TLN2: variants seen among roughly 807,000 people sequenced by gnomAD.
The protein encoded by TLN2 is talin-2.
Under a neutral mutation model 294.7 loss-of-function variants are expected in TLN2, and 118 were observed. The observed-to-expected ratio is 0.40, with a 90% CI of 0.34 to 0.47. The LOEUF is 0.47. Among genes scored for constraint, TLN2 ranks in the 20% least tolerant of loss-of-function variants. The pLI, the probability that TLN2 is intolerant of heterozygous loss-of-function variation, is 0.84. For missense variants in TLN2, 3,083 were observed against 3,282.2 expected, an observed-to-expected ratio of 0.94 and a Z score of 1.48; for synonymous variants, 1,431 against 1,304.5, an observed-to-expected ratio of 1.10 and a Z score of -2.09.
intron 1 of TLN2, among the ~76,000 whole-genome samples, chr15:62,571,645 A>G (rs1033822630): frequency 6.6e-6 from 1 of 152,178 alleles, no homozygotes; most frequent in African/African-American, 2.4e-5. Context: ...AGTAGAGGCA[A>G]TGGTAGGCTC....
intron 1 of TLN2, among the ~76,000 whole-genome samples, chr15:62,575,312 C>G (rs1168733921): frequency 6.6e-6 from 1 of 152,026 alleles, no homozygotes; most frequent in East Asian, 1.9e-4. Flanking sequence ...AGAGCAAGAC[C>G]CTATCTCCAA....
intron 1 of TLN2, among the ~76,000 whole-genome samples, chr15:62,569,120 G>C (rs1031868402): frequency 5.3e-5 from 8 of 152,134 alleles, no homozygotes; most frequent in Non-Finnish European, 7.4e-5. Context: ...CATACAGTCT[G>C]CCTGTTCTTT....
At chr15:62,673,246 C>T (rs1262978413) in intron 9 of TLN2, among the ~76,000 whole-genome samples, 1 of 138,068 alleles carries the variant, frequency 7.2e-6, no homozygotes, top group Non-Finnish European at 1.5e-5. Context: ...CATAATTATT[C>T]TTCCTGTAGT....
At chr15:62,774,909 C>G (rs893419402) in intron 42 of TLN2, among the ~76,000 whole-genome samples, 1 of 151,136 alleles carries the variant, frequency 6.6e-6, no homozygotes, top group Non-Finnish European at 1.5e-5. Context: ...CTGTCTCCCC[C>G]AGAAGGTATA....
intron 11 of TLN2, among the ~76,000 whole-genome samples, chr15:62,677,096 T>G (rs1042085005): frequency 6.6e-6 from 1 of 152,220 alleles, no homozygotes; most frequent in Admixed American, 6.5e-5. Context: ...AGTCACCTGC[T>G]TCCACCGTTC....
At chr15:62,780,139 C>G (rs1179908459) in intron 43 of TLN2, among the ~76,000 whole-genome samples, 2 of 152,216 alleles carry the variant, frequency 1.3e-5, no homozygotes, top group Admixed American at 1.3e-4. Flanking sequence ...TGTCAACAGC[C>G]CCCTCCTGTT....
intron 19 of TLN2, 132 bp downstream of exon 19, chr15:62,702,996 C>T: frequency 2.5e-6 from 2 of 803,302 alleles, no homozygotes; most frequent in East Asian, 5.4e-5. Flanking sequence ...GATGGATTAT[C>T]TTGGGAGTGA....
intron 12 of TLN2, among the ~76,000 whole-genome samples, chr15:62,691,564 A>G (rs920141498): frequency 3.9e-5 from 6 of 152,178 alleles, no homozygotes; most frequent in African/African-American, 1.2e-4. Context: ...TATAATTCCA[A>G]TATCTGATTT....
At chr15:62,719,373 C>T (rs1293616759) in intron 24 of TLN2, among the ~76,000 whole-genome samples, 1 of 152,224 alleles carries the variant, frequency 6.6e-6, no homozygotes, top group Non-Finnish European at 1.5e-5. Context: ...GTATTTCCCT[C>T]ACCTTCTGAA....
At chr15:62,720,344 G>T (rs932816413) in intron 25 of TLN2, among the ~76,000 whole-genome samples, 1 of 152,060 alleles carries the variant, frequency 6.6e-6, no homozygotes, top group Non-Finnish European at 1.5e-5. Context: ...TGGGGTGAAG[G>T]GTAGATTCAT....
At chr15:62,569,089 G>A (rs898844418) in intron 1 of TLN2, among the ~76,000 whole-genome samples, 1 of 152,108 alleles carries the variant, frequency 6.6e-6, no homozygotes, top group African/African-American at 2.4e-5. Context: ...TCTGTGTCAC[G>A]CCGCACTCTG....
chr15:62,781,222 C>G lies in TLN2; in HGVS notation c.5597C>G (p.Ala1866Gly). ...GTGGTTAAATACTCCAAAGCCATTG[C>G]GGTGACAGCTCAGGAAATGGTAAGA... is the stretch of plus-strand genomic sequence containing the variant. The part of the protein sequence containing the change: ...TTVVKYSKAI[A>G]VTAQEMMTKS... The change falls in exon 44 of 59, where the codon GCG becomes GGG. Residue 1866 changes from alanine to glycine, a missense_variant. By Grantham distance (60) the Ala-to-Gly change is moderately conservative. Transcript: ENST00000636159. 1 of 1,613,960 alleles carries G rather than the reference C, an allele frequency of 6.2e-7. No individual in the cohort carries two copies. The highest frequency in any genetic ancestry group is 2.2e-5 in the East Asian group (1 of 44,884).
rs181777773 is a variant in TLN2 at position 62,575,092 on chromosome 15, A to G, written c.-237-14595A>G. On this transcript the variant is annotated intron_variant, in intron 1 of 58. Transcript: ENST00000636159. The stretch of plus-strand genomic sequence containing the variant: ...CTTTGGGAGGCTGAGGTGGGCAGAT[A>G]GCTTGAGCCCAGGAGTTCAAGACCA... Among the ~76,000 whole-genome samples, 10 of 152,220 alleles carry G rather than the reference A, an allele frequency of 6.6e-5. No individual in the cohort carries two copies. The East Asian group carries it at 1.9e-3, about 29-fold the overall frequency.
intron 1 of TLN2, among the ~76,000 whole-genome samples, chr15:62,445,100 G>A (rs978836512): frequency 1.3e-5 from 2 of 152,200 alleles, no homozygotes; most frequent in African/African-American, 4.8e-5. Context: ...GATATCAGGG[G>A]TCAGGGAGGC....
intron 1 of TLN2, among the ~76,000 whole-genome samples, chr15:62,429,663 G>T (rs1179783823): frequency 1.3e-5 from 2 of 152,156 alleles, no homozygotes. Flanking sequence ...GGTGGGAACT[G>T]GAAGATGCTG....
intron 3 of TLN2, among the ~76,000 whole-genome samples, chr15:62,628,334 G>A (rs556388908): frequency 6.6e-6 from 1 of 152,230 alleles, no homozygotes; most frequent in East Asian, 1.9e-4. Context: ...AGATTTCACG[G>A]TGTAGGCATC....
intron 1 of TLN2, among the ~76,000 whole-genome samples, chr15:62,514,356 T>C (rs1430240371): frequency 6.6e-6 from 1 of 152,242 alleles, no homozygotes; most frequent in African/African-American, 2.4e-5. Flanking sequence ...ATCAAATGTC[T>C]AATGCTCTTA....
At chr15:62,780,976 C>A (rs1164924231) in intron 43 of TLN2, among the ~76,000 whole-genome samples, 164 bp from the exon 44 acceptor site, 1 of 152,200 alleles carries the variant, frequency 6.6e-6, no homozygotes, top group Non-Finnish European at 1.5e-5. Context: ...CTTATGTGCC[C>A]TTCTGTTGAA....
At chr15:62,745,459 T>C (rs1243614926) in intron 32 of TLN2, among the ~76,000 whole-genome samples, 1 of 152,248 alleles carries the variant, frequency 6.6e-6, no homozygotes, top group Non-Finnish European at 1.5e-5. Context: ...GGTAGATTTA[T>C]TGAAATTTTT....
Sources: gnomAD v4.1 joint callset for allele counts (sites outside exome capture counted in the v4.1 genomes callset) on GRCh38, gnomAD v4.1.1 for gene constraint, MANE v1.5 for transcripts, NCBI Gene and HGNC (gene_info 2026-07-23, HGNC 2026-07-21) for gene names.